The following NTHL1 variants were observed in gnomAD, a reference collection of about 807,000 sequenced individuals.
NTHL1 encodes endonuclease III-like protein 1.
Under a neutral mutation model 32.3 loss-of-function variants are expected in NTHL1, and 32 were observed. The ratio of observed to expected loss-of-function variants is 0.99; its 90% confidence interval spans 0.75 to 1.33. The LOEUF is 1.33. Ranked by LOEUF, NTHL1 falls within the 40% of genes most tolerant of loss-of-function variation. NTHL1 has a pLI of 0.00. For synonymous variants in NTHL1, 188 were observed against 176.9 expected (o/e 1.06, Z -0.50); for missense variants, 501 against 414.1 (o/e 1.21, Z -1.82).
At position 2,044,786 on chromosome 16, in the gene NTHL1, C is replaced by G; in HGVS notation, c.369G>C (p.Gln123His). The G allele has an allele frequency of 6.2e-7, 1 of 1,608,044 alleles. No individual in the cohort carries two copies. Among genetic ancestry groups the G allele is most frequent in the Non-Finnish European group, 8.5e-7 (1 of 1,177,366 alleles). ...SSAPPKVRRY[Q>H]VLLSLMLSSQ... ...TGGAGAGCATCAGTGACAGCAGCAC[C>G]TGGTACCTGCGTACCTGCTTGTGCA... Residue 123 changes from glutamine to histidine, a missense_variant, in exon 3 of 6, where the codon CAG (glutamine) becomes CAC (histidine). By Grantham distance (24) the Gln-to-His change is conservative. Transcript: ENST00000651570. This position sits in a 1 kb window ranked among gnomAD's most constrained non-coding sequence, Gnocchi z 5.0.
At chr16:2,040,103 C>T in intron 5 of NTHL1, 30 bp downstream of exon 5, 2 of 1,612,756 alleles carry the variant, frequency 1.2e-6, no homozygotes, top group Non-Finnish European at 1.7e-6. Context: ...GTGAGCTCTT[C>T]TCCCTAGGAA....
At position 2,043,482 on chromosome 16, in the gene NTHL1, G is replaced by T; in HGVS notation, c.685+85C>A. The T allele has an allele frequency of 6.4e-7, 1 of 1,566,716 alleles. No individual in the cohort carries two copies. Among genetic ancestry groups the T allele is most frequent in the Non-Finnish European group, 8.7e-7 (1 of 1,154,888 alleles). ...GGGCTGGGTGGAGGACCAGCATGCT[G>T]GAAGTGGAGTCACAGGTCACAAGGA... On this transcript the variant is annotated intron_variant, in intron 4 of 5. Transcript: ENST00000651570. The surrounding 1 kb of genome is among the most constrained non-coding windows in gnomAD (Gnocchi z 4.4).
rs1596227700 is a variant in NTHL1 at position 2,047,719 on chromosome 16, C to G, written c.105G>C (p.Glu35Asp). The stretch of plus-strand genomic sequence containing the variant: ...ACGGCGCGGCGCTACCTGCTGCAGC[C>G]TCTCTTCTCCGGAGAGGCCCGGGCT... ...REEPGPLRRR[E>D]AAAEARKSHS... Residue 35 changes from glutamate to aspartate, a missense_variant, in exon 1 of 6, where the codon GAG becomes GAC. Physicochemically the swap from Glu to Asp is conservative, Grantham distance 45. Coordinates refer to ENST00000651570, the MANE Select transcript of NTHL1 (RefSeq NM_002528.7). 3 of 1,582,578 alleles carry G rather than the reference C, an allele frequency of 1.9e-6. No individual in the cohort carries two copies. The highest frequency in any genetic ancestry group is 2.7e-5 in the African/African-American group (2 of 74,362).
chr16:2,042,153 A>G (rs1200694992), intron 4 of NTHL1: 3 of 452,936 alleles, frequency 6.6e-6, no homozygotes, highest in Non-Finnish European at 1.3e-5. Context: ...ACACCTGGAG[A>G]GGGAGGTATT....
intron 2 of NTHL1, among the ~76,000 whole-genome samples, chr16:2,045,257 A>G (rs1173911030): frequency 6.6e-6 from 1 of 151,940 alleles, no homozygotes; most frequent in Non-Finnish European, 1.5e-5. Context: ...GAATAATTTG[A>G]ACCTCGGAGG....
Position 2,046,277 on chromosome 16 carries a change from C to T in NTHL1, c.205G>A (p.Glu69Lys). 1.9e-6 allele frequency: 3 copies of T among 1,613,312 alleles called. No homozygotes were observed. The highest frequency in any genetic ancestry group is 2.5e-6 in the Non-Finnish European group (3 of 1,180,014). Residue 69 changes from glutamate to lysine, a missense_variant, in exon 2 of 6, where the codon GAG (glutamate) becomes AAG (lysine). Coordinates refer to ENST00000651570, the MANE Select transcript of NTHL1 (RefSeq NM_002528.7). The stretch of plus-strand genomic sequence containing the variant: ...GGCACCTTGAGGGGCTCAGCCCCCT[C>T]ACCTTTCTCACTGTCCGAGCCCTCA... ...AYEGSDSEKG[E>K]GAEPLKVPVW...
At chr16:2,045,873 C>A (rs1367738463) in intron 2 of NTHL1, among the ~76,000 whole-genome samples, 5 of 152,222 alleles carry the variant, frequency 3.3e-5, no homozygotes. Flanking sequence ...AAAAGGAACT[C>A]TTCCTTCCTG....
rs1196844759 is a variant in NTHL1 at position 2,043,795 on chromosome 16, A to T, written c.526-69T>A. 22 of 1,585,972 alleles carry T rather than the reference A, an allele frequency of 1.4e-5. No homozygotes were observed. The highest frequency in any genetic ancestry group is 1.8e-5 in the Non-Finnish European group (21 of 1,166,422). On this transcript the variant is annotated intron_variant, in intron 3 of 5. Transcript: ENST00000651570. The surrounding 1 kb of genome is among the most constrained non-coding windows in gnomAD (Gnocchi z 4.4). ...CCCAACCTGGGAGGATGCAGCCCCC[A>T]GGAGACCCACAGGTGGCCAGAGCTA... is the stretch of plus-strand genomic sequence containing the variant.
At chr16:2,045,852 G>C (rs1200371280) in intron 2 of NTHL1, among the ~76,000 whole-genome samples, 2 of 152,210 alleles carry the variant, frequency 1.3e-5, no homozygotes, top group Non-Finnish European at 2.9e-5. Context: ...CAGGCCCTGG[G>C]ACCGTGAAGC....
intron 2 of NTHL1, among the ~76,000 whole-genome samples, chr16:2,045,038 T>C (rs1333952477): frequency 6.6e-6 from 1 of 152,196 alleles, no homozygotes; most frequent in Non-Finnish European, 1.5e-5. Flanking sequence ...ATTATCTCAG[T>C]GCTTAGAATC....
At chr16:2,045,026 G>A (rs1299173947) in intron 2 of NTHL1, among the ~76,000 whole-genome samples, 2 of 152,306 alleles carry the variant, frequency 1.3e-5, no homozygotes, top group African/African-American at 4.8e-5. Context: ...AAGCTTAAAT[G>A]AATTATCTCA....
Position 2,046,124 on chromosome 16 carries a change from C to A in NTHL1, c.354+4G>T, listed in dbSNP as rs771353497. 69 of 1,611,106 alleles carry A rather than the reference C, an allele frequency of 4.3e-5. No individual in the cohort carries two copies. Among genetic ancestry groups the A allele is most frequent in the Non-Finnish European group, 5.6e-5 (66 of 1,178,424 alleles). On this transcript the variant is annotated splice_donor_region_variant and intron_variant, in intron 2 of 5. Transcript: ENST00000651570. ...TCATCTGGGCAGATGGGGCCCCTGC[C>A]TACCTTTGGGGGGGCACTGGAGTCA...
chr16:2,042,192 C>T (rs1334054566), intron 4 of NTHL1: 2 of 431,438 alleles, frequency 4.6e-6, no homozygotes, highest in African/African-American at 4.1e-5. Flanking sequence ...GTGCCCGCTG[C>T]TCCCAAAGCC....
rs780658029 is a variant in NTHL1 at position 2,043,627 on chromosome 16, C to A, written c.625G>T (p.Val209Phe). Residue 209 changes from valine to phenylalanine, a missense_variant, in exon 4 of 6, where the codon GTT becomes TTT. Transcript: ENST00000651570. The surrounding 1 kb of genome is among the most constrained non-coding windows in gnomAD (Gnocchi z 4.4). ...SVAELVALPG[V>F]GPKMAHLAMA... ...GCCAGGTGTGCCATCTTGGGCCCAA[C>A]ACCCGGCAGCGCCACCAGCTCGGCC... 2 of 1,611,028 alleles carry A rather than the reference C, an allele frequency of 1.2e-6. No homozygotes were observed. Among genetic ancestry groups the A allele is most frequent in the East Asian group, 4.5e-5 (2 of 44,888 alleles).
chr16:2,041,877 G>A, intron 4 of NTHL1: 1 of 359,820 alleles, frequency 2.8e-6, no homozygotes, highest in Non-Finnish European at 5.5e-6. Context: ...CAAAGTGCTG[G>A]GATTACAGGC....
At chr16:2,045,271 A>C (rs1250306970) in intron 2 of NTHL1, among the ~76,000 whole-genome samples, 1 of 152,010 alleles carries the variant, frequency 6.6e-6, no homozygotes, top group East Asian at 2.0e-4. Context: ...TCGGAGGCGA[A>C]GGTTGCAGTG....
rs941198164 is a variant in NTHL1 at position 2,043,046 on chromosome 16, T to A, written c.685+521A>T. Among the ~76,000 whole-genome samples, 33 of 131,482 alleles carry A rather than the reference T, an allele frequency of 2.5e-4. No homozygotes were observed. The highest frequency in any genetic ancestry group is 9.5e-4 in the African/African-American group (33 of 34,758). The allele number at this position is 131,482 out of a possible 152,430, so 86.3% of individuals were successfully genotyped here. On this transcript the variant is annotated intron_variant, in intron 4 of 5. Transcript: ENST00000651570. This position sits in a 1 kb window ranked among gnomAD's most constrained non-coding sequence, Gnocchi z 4.4. ...CCCTCCTCAGTCCTTACCTCCCCAC[T>A]CTGCCCTCATCTCATTCCAGAACTT... is the stretch of plus-strand genomic sequence containing the variant.
chr16:2,044,460 G>A lies in NTHL1; in HGVS notation c.525+170C>T, dbSNP rs2084312863. ...AACAGGAAGGCCAAGGAGCTGCTGG[G>A]ACTGGGCGTCAGGCCTCAGGGCCCC... On this transcript the variant is annotated intron_variant, in intron 3 of 5. Transcript: ENST00000651570. The surrounding 1 kb of genome is among the most constrained non-coding windows in gnomAD (Gnocchi z 5.0). 6.6e-6 allele frequency among the ~76,000 whole-genome samples: 1 copy of A among 152,202 alleles called. No individual in the cohort carries two copies. Among genetic ancestry groups the A allele is most frequent in the Admixed American group, 6.5e-5 (1 of 15,282 alleles).
chr16:2,047,631 C>T, intron 1 of NTHL1, 78 bp downstream of exon 1: 1 of 1,502,800 alleles, frequency 6.7e-7, no homozygotes, highest in Non-Finnish European at 8.9e-7. Flanking sequence ...AGCTGGGAGC[C>T]GCAGGAGGCG....
Sources: allele counts gnomAD v4.1 joint callset (sites outside exome capture counted in the v4.1 genomes callset), GRCh38; gene constraint gnomAD v4.1.1; non-coding constraint Gnocchi (gnomAD v3.1); transcripts MANE v1.5; gene names NCBI Gene and HGNC (gene_info 2026-07-23, HGNC 2026-07-21).